Variants in SUFU observed in about 807,000 individuals in gnomAD.
The protein encoded by SUFU is SUFU negative regulator of hedgehog signaling, also known as suppressor of fused homolog.
A neutral mutation model predicts 58.9 loss-of-function variants in SUFU; 7 were observed. The observed-to-expected ratio is 0.12, with a 90% CI of 0.07 to 0.22. The LOEUF is 0.22. Among genes scored for constraint, SUFU ranks in the 10% least tolerant of loss-of-function variants. The pLI, the probability that SUFU is intolerant of heterozygous loss-of-function variation, is 1.00. For synonymous variants in SUFU, 232 were observed against 254.8 expected (o/e 0.91, Z 0.85); for missense variants, 451 against 641.3 (o/e 0.70, Z 3.20).
chr10:102,604,683 T>C (rs1244642135), intron 8 of SUFU, among the ~76,000 whole-genome samples: 1 of 152,074 alleles, frequency 6.6e-6, no homozygotes, highest in African/African-American at 2.4e-5. Flanking sequence ...AAAGCTGGGG[T>C]TCTGGCTAGA....
At chr10:102,596,460 G>A (rs181904228) in intron 6 of SUFU, among the ~76,000 whole-genome samples, 45 of 152,320 alleles carry the variant, frequency 3.0e-4, no homozygotes, top group Non-Finnish European at 2.8e-4. Context: ...CAAAGGCAGG[G>A]TCTCGATGGG....
intron 8 of SUFU, among the ~76,000 whole-genome samples, chr10:102,600,700 CAA>C (rs939449046): frequency 3.9e-5 from 6 of 152,142 alleles, no homozygotes; most frequent in Non-Finnish European, 8.8e-5. Context: ...GGAAGGAACT[CAA>C]GAGGATAGCA....
chr10:102,509,846 C>CT (rs1002717128), intron 2 of SUFU, among the ~76,000 whole-genome samples: 14 of 151,712 alleles, frequency 9.2e-5, no homozygotes, highest in South Asian at 2.1e-4. Flanking sequence ...GCCCTATATG[C>CT]TTTTTTTTGG....
chr10:102,622,831 A>G (rs2063751727), intron 10 of SUFU, among the ~76,000 whole-genome samples: 1 of 151,710 alleles, frequency 6.6e-6, no homozygotes, highest in Non-Finnish European at 1.5e-5. Context: ...AAGAAAAAAA[A>G]AAAAAAAAAA....
intron 10 of SUFU, chr10:102,618,716 G>T (rs1168237190): frequency 2.6e-6 from 1 of 380,584 alleles, no homozygotes; most frequent in Non-Finnish European, 4.7e-6. Flanking sequence ...TGTAACAAAA[G>T]CTCTGAAGTG....
Position 102,619,010 on chromosome 10 carries a change from G to C in SUFU, c.1296+1582G>C. 6.4e-7 allele frequency: 1 copy of C among 1,573,056 alleles called. No homozygotes were observed. Among genetic ancestry groups the C allele is most frequent in the South Asian group, 1.1e-5 (1 of 90,192 alleles). On this transcript the variant is annotated intron_variant, in intron 10 of 11. Coordinates refer to ENST00000369902, the MANE Select transcript of SUFU (RefSeq NM_016169.4). The surrounding 1 kb of genome is among the most constrained non-coding windows in gnomAD (Gnocchi z 4.2). ...TCAAGCACGTTTTCCTGGGACAGTC[G>C]GGACTGGGGCCTCCCCAAACTGCAG...
intron 10 of SUFU, among the ~76,000 whole-genome samples, chr10:102,624,937 C>T (rs899147776): frequency 6.6e-6 from 1 of 152,216 alleles, no homozygotes; most frequent in Admixed American, 6.5e-5. Context: ...GAAAGCCCCT[C>T]CCTCCAAGTT....
intron 8 of SUFU, 73 bp downstream of exon 8, chr10:102,599,617 C>A: frequency 2.3e-6 from 3 of 1,288,018 alleles, no homozygotes; most frequent in Non-Finnish European, 2.2e-6. Context: ...CTGTGGATTG[C>A]ATGAGAGAGA....
chr10:102,532,632 CAG>C (rs1744036002), intron 2 of SUFU, among the ~76,000 whole-genome samples: 1 of 152,104 alleles, frequency 6.6e-6, no homozygotes, highest in African/African-American at 2.4e-5. Context: ...GAAGGGCAAA[CAG>C]AAGATACTCA....
At chr10:102,594,183 G>A in intron 6 of SUFU, 118 bp downstream of exon 6, 2 of 1,018,920 alleles carry the variant, frequency 2.0e-6, no homozygotes, top group Non-Finnish European at 3.0e-6. Flanking sequence ...TAGAAATATG[G>A]CATCACTTGG....
Position 102,617,157 on chromosome 10 carries a change from TGGGC to T in SUFU, c.1158-132_1158-129del. On this transcript the variant is annotated intron_variant, in intron 9 of 11. Coordinates refer to ENST00000369902, the MANE Select transcript of SUFU (RefSeq NM_016169.4). The surrounding 1 kb of genome is among the most constrained non-coding windows in gnomAD (Gnocchi z 4.4). ...ATACAGTCCCCTGTTGATGGGCAGG[TGGGC>T]AGCCAGGAGGGCATGTTACCTGGCC... The T allele has an allele frequency of 9.0e-7, 1 of 1,107,436 alleles. No individual in the cohort carries two copies. The highest frequency in any genetic ancestry group is 1.3e-6 in the Non-Finnish European group (1 of 742,126). The allele number at this position is 1,107,436 out of a possible 1,614,324, so 68.6% of individuals were successfully genotyped here. A position where few individuals can be genotyped will look rare whatever the true frequency, so the allele number is the denominator to read the frequency against.
Position 102,617,589 on chromosome 10 carries a change from T to C in SUFU, c.1296+161T>C. On this transcript the variant is annotated intron_variant, in intron 10 of 11. Coordinates refer to ENST00000369902, the MANE Select transcript of SUFU (RefSeq NM_016169.4). The surrounding 1 kb of genome is among the most constrained non-coding windows in gnomAD (Gnocchi z 4.4). ...GGGGCCTGTGTGTAGGTATGGAGTGTGGATGCTGCTACCCACTCCAGCAGC... is the reference window on the plus strand; with the variant it reads ...GGGGCCTGTGTGTAGGTATGGAGTGCGGATGCTGCTACCCACTCCAGCAGC... 1 of 925,952 alleles carries C rather than the reference T, an allele frequency of 1.1e-6. No homozygotes were observed. The highest frequency in any genetic ancestry group is 2.5e-5 in the East Asian group (1 of 39,434). 57.4% of individuals were successfully genotyped at this position (925,952 alleles called of 1,614,324 possible).
rs1283509771 is a variant in SUFU, at chr10:102,594,051, G to A, written c.742G>A (p.Asp248Asn). The A allele has an allele frequency of 3.1e-6, 5 of 1,613,864 alleles. No individual in the cohort carries two copies. The highest frequency in any genetic ancestry group is 3.3e-5 in the Admixed American group (2 of 59,982). ...MRRGETIFEIDPHLQERVDKG... is the reference protein window; with the variant it reads ...MRRGETIFEINPHLQERVDKG... ...GAGGGGAGAGACCATATTTGAGATC[G>A]ATCCACACCTGCAAGTATGTCTTGA... Residue 248 changes from aspartate to asparagine, a missense_variant, in exon 6 of 12, where the codon GAT (aspartate) becomes AAT (asparagine). Coordinates refer to ENST00000369902, the MANE Select transcript of SUFU (RefSeq NM_016169.4).
intron 3 of SUFU, among the ~76,000 whole-genome samples, chr10:102,566,764 CAAAAA>C (rs1213985884): frequency 2.7e-5 from 2 of 73,562 alleles, no homozygotes; most frequent in South Asian, 4.6e-4. Context: ...GACTCTGTCT[CAAAAA>C]AAAAAAAAAA....
chr10:102,560,826 T>A (rs2063029881), intron 3 of SUFU, among the ~76,000 whole-genome samples: 1 of 152,208 alleles, frequency 6.6e-6, no homozygotes, highest in Admixed American at 6.5e-5. Flanking sequence ...CTTTGTATTC[T>A]TACCGAAGTA....
Position 102,554,359 on chromosome 10 carries a change from C to T in SUFU, c.454+4253C>T, listed in dbSNP as rs530015162. On this transcript the variant is annotated intron_variant, in intron 3 of 11. Coordinates refer to ENST00000369902, the MANE Select transcript of SUFU (RefSeq NM_016169.4). ...CAGAGGTTGTAGTGAGCTGAGATCA[C>T]GCCATTGCACTCCAGCTTGGGCAAC... Among the ~76,000 whole-genome samples, 11 of 152,230 alleles carry T rather than the reference C, an allele frequency of 7.2e-5. No individual in the cohort carries two copies. In the South Asian group the frequency reaches 1.5e-3, roughly 20 times the overall value.
chr10:102,549,779 G>A (rs2062892533), intron 2 of SUFU, among the ~76,000 whole-genome samples, 191 bp from the exon 3 acceptor site: 1 of 152,148 alleles, frequency 6.6e-6, no homozygotes, highest in South Asian at 2.1e-4. Flanking sequence ...GCAGGAGGAT[G>A]AGGCAAGAGT....
intron 2 of SUFU, among the ~76,000 whole-genome samples, chr10:102,519,527 CAAAAAAAAA>C (rs35007507): frequency 6.3e-5 from 8 of 127,412 alleles, no homozygotes; most frequent in Admixed American, 8.4e-5. Context: ...AACTCTGTCT[CAAAAAAAAA>C]AAAAAAAAGT....
intron 4 of SUFU, 115 bp from the exon 5 acceptor site, chr10:102,593,521 C>T: frequency 9.6e-7 from 1 of 1,040,202 alleles, no homozygotes; most frequent in East Asian, 2.4e-5. Flanking sequence ...CTCCTGAGCA[C>T]AGATCCTGCC....
Sources: gnomAD v4.1 joint callset for allele counts (sites outside exome capture counted in the v4.1 genomes callset) on GRCh38, gnomAD v4.1.1 for gene constraint, Gnocchi (gnomAD v3.1) non-coding constraint, MANE v1.5 for transcripts, NCBI Gene and HGNC (gene_info 2026-07-23, HGNC 2026-07-21) for gene names.